Variants in ITGAE observed in about 807,000 individuals in gnomAD.
ITGAE encodes the protein integrin subunit alpha E.
In ITGAE, 99 loss-of-function variants were observed where a neutral mutation model predicts 136.5. The ratio of observed to expected loss-of-function variants is 0.73; its 90% CI spans 0.62 to 0.86. ITGAE has a LOEUF of 0.86. ITGAE is among the 40% of genes least tolerant of loss of function. The pLI is 0.00. For missense variants in ITGAE, 1,447 were observed against 1,515.3 expected (o/e 0.95, Z 0.75); for synonymous variants, 613 against 591.8 (o/e 1.04, Z -0.52).
intron 29 of ITGAE, 23 bp downstream of exon 29, chr17:3,720,284 C>A: frequency 7.9e-7 from 1 of 1,262,664 alleles, no homozygotes; most frequent in Non-Finnish European, 1.2e-6. Context: ...TTGGGCACTA[C>A]TCAGAAGCCA....
intron 14 of ITGAE, among the ~76,000 whole-genome samples, chr17:3,752,527 A>T (rs1387780065): frequency 6.6e-6 from 1 of 151,984 alleles, no homozygotes; most frequent in South Asian, 2.1e-4. Flanking sequence ...AGGCCAAGGT[A>T]GGTGGATCAC....
chr17:3,728,868 A>C lies in ITGAE; in HGVS notation c.2912+610T>G, dbSNP rs1397259674. ...CCAACATGGTGAAATCCCCGTCTCT[A>C]TTAAAAATTTTTTAAAAATTAGCTG... On this transcript the variant is annotated intron_variant, in intron 24 of 30. Transcript: ENST00000263087. Among the ~76,000 whole-genome samples the C allele has an allele frequency of 2.0e-5, 3 of 151,478 alleles. No homozygotes were observed. In the East Asian group the frequency reaches 5.9e-4, roughly 30 times the overall value.
rs2051096927 is a variant in ITGAE at position 3,723,277 on chromosome 17, G to A, written c.3237+11C>T. 1 of 1,577,520 alleles carries A rather than the reference G, an allele frequency of 6.3e-7. No individual in the cohort carries two copies. The highest frequency in any genetic ancestry group is 1.7e-5 in the Admixed American group (1 of 59,954). ...GGATAATCAAATCTGGAGCATTTCAGTCTCAAACACCTCCTCAGAGTGATC... is the reference window on the plus strand; with the variant it reads ...GGATAATCAAATCTGGAGCATTTCAATCTCAAACACCTCCTCAGAGTGATC... On this transcript the variant is annotated intron_variant, in intron 28 of 30. Transcript: ENST00000263087.
rs985556155 is a variant in ITGAE, at chr17:3,799,888, G to A, written c.34+1223C>T. On this transcript the variant is annotated intron_variant, in intron 1 of 30. Transcript: ENST00000263087. This position sits in a 1 kb window ranked among gnomAD's most constrained non-coding sequence, Gnocchi z 4.1. Reference sequence around the variant, plus strand: ...GCCTGTAGTCCCAACACTTTGGGAGGCCGAGGCAGGTCGATCACCTGAGGG... The same window carrying A: ...GCCTGTAGTCCCAACACTTTGGGAGACCGAGGCAGGTCGATCACCTGAGGG... Among the ~76,000 whole-genome samples the A allele has an allele frequency of 4.6e-5, 7 of 152,218 alleles. No homozygotes were observed. Among genetic ancestry groups the A allele is most frequent in the African/African-American group, 1.4e-4 (6 of 41,464 alleles).
At position 3,732,464 on chromosome 17, in the gene ITGAE, A is replaced by AG. The variant is rs1567518410; in HGVS notation, c.2657dup (p.Pro887SerfsTer8). On this transcript the variant is annotated frameshift_variant and splice_region_variant, in exon 22 of 31. Coordinates refer to ENST00000263087, the MANE Select transcript of ITGAE (RefSeq NM_002208.5). LOFTEE classifies it high-confidence loss of function. The stretch of plus-strand genomic sequence containing the variant: ...CATCACACTGAATGTTTGGAGAGGG[A>AG]GGCTGTTAAAAGAGCAGATGACATT... 1.2e-6 allele frequency: 2 copies of AG among 1,613,444 alleles called. No individual in the cohort carries two copies. Among genetic ancestry groups the AG allele is most frequent in the East Asian group, 4.5e-5 (2 of 44,878 alleles).
chr17:3,755,229 A>T lies in ITGAE; in HGVS notation c.1272T>A (p.Phe424Leu). ...AGAGCAACGCCCCTCCGGACCAGTC[A>T]AAGGCCCCGACGGCGCCGAGCAGCA... Reference protein sequence around the residue: ...RQVLLGAVGAFDWSGGALLYD... With the variant: ...RQVLLGAVGALDWSGGALLYD... Residue 424 changes from phenylalanine (F) to leucine (L), a missense_variant, in exon 12 of 31, where the codon TTT (phenylalanine) becomes TTA (leucine). Phe to Leu is a conservative substitution (Grantham distance 22). Around this residue, in one of 3 missense-constraint regions of ITGAE, gnomAD observed 1,031 missense variants for 1,011.4 expected, o/e 1.02. Transcript: ENST00000263087. 1 of 1,574,700 alleles carries T rather than the reference A, an allele frequency of 6.4e-7. No individual in the cohort carries two copies. Among genetic ancestry groups the T allele is most frequent in the Non-Finnish European group, 8.6e-7 (1 of 1,166,126 alleles).
chr17:3,761,924 G>A lies in ITGAE; in HGVS notation c.306C>T (p.His102=), dbSNP rs780952482. Residue 102 remains histidine, a synonymous_variant, in exon 4 of 31, where the codon CAC becomes CAT. Coordinates refer to ENST00000263087, the MANE Select transcript of ITGAE (RefSeq NM_002208.5). Reference sequence around the variant, plus strand: ...TCGCTCCTGCACTCACCAAAACACCGTGGTGGCTCCGGACAACGGTCACTC... The same window carrying A: ...TCGCTCCTGCACTCACCAAAACACCATGGTGGCTCCGGACAACGGTCACTC... The part of the protein sequence containing the change: ...HRGVTVVRSH[H]GVLICIQVLV... The A allele has an allele frequency of 5.2e-5, 84 of 1,613,796 alleles. No homozygotes were observed. Among genetic ancestry groups the A allele is most frequent in the Non-Finnish European group, 6.6e-5 (78 of 1,179,898 alleles).
At chr17:3,725,347 G>T in intron 26 of ITGAE, 1 of 1,614,230 alleles carries the variant, frequency 6.2e-7, no homozygotes, top group African/African-American at 1.3e-5. Context: ...AGTCAGAAGG[G>T]TCCTGTCCCC....
chr17:3,790,293 G>C (rs577091910), intron 1 of ITGAE, among the ~76,000 whole-genome samples: 15 of 152,232 alleles, frequency 9.9e-5, no homozygotes, highest in African/African-American at 3.6e-4. Context: ...GATCACCTGA[G>C]GTCAGGAGTT....
In ITGAE at chr17:3,745,850, C is replaced by T. The variant is rs147122172; in HGVS notation, c.2233G>A (p.Val745Ile). Residue 745 changes from valine (V) to isoleucine (I), a missense_variant, in exon 18 of 31, where the codon GTA becomes ATA. Transcript: ENST00000263087. ...KQRRRLQCSD[V>I]RSCLGCLREW... ...CTCAGGCAGCCCAGACAGCTTCTTA[C>T]GTCTGAACACTGCAGCCGTCTCCTC... is the stretch of plus-strand genomic sequence containing the variant. 6.8e-5 allele frequency: 109 copies of T among 1,614,106 alleles called. No homozygotes were observed. The highest frequency in any genetic ancestry group is 2.8e-4 in the Admixed American group (17 of 60,016).
chr17:3,726,189 A>T lies in ITGAE; in HGVS notation c.3084+1730T>A, dbSNP rs751326342. 3.7e-6 allele frequency: 6 copies of T among 1,614,208 alleles called. No individual in the cohort carries two copies. In the South Asian group the frequency reaches 6.6e-5, roughly 18 times the overall value. On this transcript the variant is annotated intron_variant, in intron 26 of 30. Transcript: ENST00000263087. ...CTGGTTACATTACCTGACAGACAAG[A>T]TGCTGAAACAAATGACCTTCAAGAC...
chr17:3,796,346 T>G (rs2053103620), intron 1 of ITGAE, among the ~76,000 whole-genome samples: 1 of 152,112 alleles, frequency 6.6e-6, no homozygotes, highest in African/African-American at 2.4e-5. Context: ...AACCACCTCC[T>G]GTTGCATTTC....
chr17:3,760,287 C>T lies in ITGAE; in HGVS notation c.599G>A (p.Gly200Asp), dbSNP rs2052134033. 1.9e-6 allele frequency: 3 copies of T among 1,604,724 alleles called. No homozygotes were observed. The highest frequency in any genetic ancestry group is 1.7e-6 in the Non-Finnish European group (2 of 1,172,172). Residue 200 changes from glycine (G) to aspartate (D), a missense_variant and splice_region_variant, in exon 7 of 31, where the codon GGC (glycine) becomes GAC (aspartate). Physicochemically the swap from Gly to Asp is moderately conservative, Grantham distance 94. Around this residue, in one of 3 missense-constraint regions of ITGAE, gnomAD observed 310 missense variants for 416.1 expected, o/e 0.74. Transcript: ENST00000263087. Reference sequence around the variant, plus strand: ...ATCCAGGATGATGGCAATCTCGGTGCCTGGCCAAGACAAACAGGTCAGGAG... The same window carrying T: ...ATCCAGGATGATGGCAATCTCGGTGTCTGGCCAAGACAAACAGGTCAGGAG... The part of the protein sequence containing the change: ...EEEDEEEEEA[G>D]TEIAIILDGS...
rs1434958510 is a variant in ITGAE, at chr17:3,785,084, G to A, written c.35-7424C>T. Among the ~76,000 whole-genome samples, 5 of 152,148 alleles carry A rather than the reference G, an allele frequency of 3.3e-5. No individual in the cohort carries two copies. In the East Asian group the frequency reaches 9.6e-4, roughly 29 times the overall value. ...GGAGGACTGCTTGAGCCCAGGAGGT[G>A]GAGGTTGCAGTGAGCCAAGATTGTA... is the stretch of plus-strand genomic sequence containing the variant. On this transcript the variant is annotated intron_variant, in intron 1 of 30. Transcript: ENST00000263087.
At position 3,800,828 on chromosome 17, in the gene ITGAE, T is replaced by G. The variant is rs570030019; in HGVS notation, c.34+283A>C. On this transcript the variant is annotated intron_variant, in intron 1 of 30. Coordinates refer to ENST00000263087, the MANE Select transcript of ITGAE (RefSeq NM_002208.5). ...GGGTGCCATGGGGAGAGGGCCTCGGTGGCGGGGGGAGGCTGGCTGGAGGAG... is the reference window on the plus strand; with the variant it reads ...GGGTGCCATGGGGAGAGGGCCTCGGGGGCGGGGGGAGGCTGGCTGGAGGAG... Among the ~76,000 whole-genome samples the G allele has an allele frequency of 2.0e-5, 3 of 152,238 alleles. No homozygotes were observed. In the South Asian group the frequency reaches 6.2e-4, roughly 32 times the overall value.
At chr17:3,780,415 G>A (rs527454016) in intron 1 of ITGAE, among the ~76,000 whole-genome samples, 46 of 151,788 alleles carry the variant, frequency 3.0e-4, no homozygotes, top group African/African-American at 1.0e-3. Context: ...CGCCCACCTC[G>A]GCCTCCCAAA....
intron 1 of ITGAE, among the ~76,000 whole-genome samples, chr17:3,792,270 C>T (rs1020268165): frequency 2.6e-5 from 4 of 152,122 alleles, no homozygotes; most frequent in Admixed American, 6.5e-5. Flanking sequence ...TATAGGCACG[C>T]ACCACCACAC....
chr17:3,746,693 T>C (rs140589043), intron 17 of ITGAE, among the ~76,000 whole-genome samples: 83 of 151,170 alleles, frequency 5.5e-4, no homozygotes, highest in African/African-American at 1.9e-3. Flanking sequence ...CTCCTGACCT[T>C]GTGATCCACC....
At chr17:3,766,833 AT>A (rs1567544876) in intron 2 of ITGAE, among the ~76,000 whole-genome samples, 2 of 146,624 alleles carry the variant, frequency 1.4e-5, no homozygotes, top group African/African-American at 5.1e-5. Flanking sequence ...AATAATAATA[AT>A]AATAATAATA....
Sources: gnomAD v4.1 joint callset for allele counts (sites outside exome capture counted in the v4.1 genomes callset) on GRCh38, gnomAD v4.1.1 for gene constraint, gnomAD v4.1.1 regional missense constraint, Gnocchi (gnomAD v3.1) non-coding constraint, MANE v1.5 for transcripts, NCBI Gene and HGNC (gene_info 2026-07-23, HGNC 2026-07-21) for gene names.